The following MYH3 variants were observed in gnomAD, a reference collection of about 807,000 sequenced individuals.
MYH3 encodes myosin heavy chain 3.
A neutral mutation model predicts 238.0 loss-of-function variants in MYH3; 130 were observed. That is an observed-to-expected ratio of 0.55 (90% confidence interval 0.47 to 0.63). The LOEUF is 0.63. MYH3 is among the 30% of genes least tolerant of loss of function. The probability of loss-of-function intolerance (pLI) is 0.00; values close to 1 mark genes in which losing one functional copy is unlikely to be tolerated. For missense variants in MYH3, 1,853 were observed against 2,374.9 expected (o/e 0.78, Z 4.57); for synonymous variants, 880 against 924.1 (o/e 0.95, Z 0.86).
chr17:10,656,601 C>T (rs1597495981), intron 1 of MYH3, among the ~76,000 whole-genome samples: 1 of 128,998 alleles, frequency 7.8e-6, no homozygotes, highest in Admixed American at 8.0e-5. Flanking sequence ...GATGGAAGAG[C>T]AGATGGGACG....
rs2074333013 is a variant in MYH3, at chr17:10,647,518, C to T, written c.736-92G>A. On this transcript the variant is annotated intron_variant, in intron 8 of 40. Coordinates refer to ENST00000583535, the MANE Select transcript of MYH3 (RefSeq NM_002470.4). ...TGGGTAATTTGAGTAGGAGCCTAGT[C>T]CCCCTAAAATTTTTGTTTTGTTTTG... 4.3e-6 allele frequency: 6 copies of T among 1,401,238 alleles called. 1 individual carries two copies. The highest frequency in any genetic ancestry group is 2.4e-5 in the South Asian group (2 of 84,662). The allele number at this position is 1,401,238 out of a possible 1,614,324, so 86.8% of individuals were successfully genotyped here. A position where few individuals can be genotyped will look rare whatever the true frequency, so the allele number is the denominator to read the frequency against.
In MYH3 at chr17:10,630,090, A is replaced by G. The variant is rs751800198; in HGVS notation, c.5562+2T>C. On this transcript the variant is annotated splice_donor_variant, in intron 38 of 40. Transcript: ENST00000583535. LOFTEE classifies it high-confidence loss of function. ...CGATCATGGCGTTTGCGTTCCACTT[A>G]CCTGGTACGTCAGCTCCTTGACCCT... 2 of 1,613,744 alleles carry G rather than the reference A, an allele frequency of 1.2e-6. No homozygotes were observed. Among genetic ancestry groups the G allele is most frequent in the East Asian group, 2.2e-5 (1 of 44,876 alleles).
chr17:10,653,322 A>G (rs2074396796), intron 3 of MYH3, among the ~76,000 whole-genome samples: 1 of 152,106 alleles, frequency 6.6e-6, no homozygotes, highest in East Asian at 1.9e-4. Flanking sequence ...GGGACCGAAG[A>G]GAATGAGGAA....
the MYH3 span, among the ~76,000 whole-genome samples, chr17:10,668,886 TTTCTC>T: frequency 1.3e-5 from 2 of 152,240 alleles, no homozygotes; most frequent in African/African-American, 4.8e-5. Context: ...CTTTGCCCTT[TTTCTC>T]TTAAGATGTT....
chr17:10,678,219 TCAC>T, the MYH3 span: 1 of 152,210 alleles, frequency 6.6e-6, no homozygotes, highest in Non-Finnish European at 1.5e-5. Context: ...TTGGTTGGAT[TCAC>T]ACAGTCACCA....
intron 14 of MYH3, 65 bp from the exon 15 acceptor site, chr17:10,643,061 A>G: frequency 1.2e-6 from 2 of 1,613,264 alleles, no homozygotes; most frequent in Non-Finnish European, 1.7e-6. Flanking sequence ...GACTGTCAAC[A>G]TTCCTCCTCA....
Position 10,647,174 on chromosome 17 carries a change from T to C in MYH3, c.898+8A>G, listed in dbSNP as rs571262650. The C allele has an allele frequency of 8.7e-6, 14 of 1,607,354 alleles. No homozygotes were observed. The South Asian group carries it at 1.5e-4, about 18-fold the overall frequency. ...CTAAAAGACCAGCCCCACTGGTGAC[T>C]TCCTCACCTATGAGCTCAGGCTTCT... On this transcript the variant is annotated splice_region_variant and intron_variant, in intron 10 of 40. Transcript: ENST00000583535.
upstream of MYH3, among the ~76,000 whole-genome samples, chr17:10,658,232 C>T (rs532293292): frequency 5.3e-5 from 8 of 152,302 alleles, no homozygotes; most frequent in East Asian, 3.9e-4. Context: ...GTATGTCGGA[C>T]GCTTTTGCCC....
rs746074716 is a variant in MYH3 at position 10,645,776 on chromosome 17, T to C, written c.1072A>G (p.Met358Val). The C allele has an allele frequency of 2.5e-6, 4 of 1,613,872 alleles. 1 individual carries two copies. Among genetic ancestry groups the C allele is most frequent in the Middle Eastern group, 3.3e-4 (2 of 6,042 alleles). ...SGLYKLTGAV[M>V]HYGNMKFKQK... Reference sequence around the variant, plus strand: ...TTGAACTTCATGTTCCCGTAGTGCATCACGGCTCCCGTCAGCTTGTAGAGC... The same window carrying C: ...TTGAACTTCATGTTCCCGTAGTGCACCACGGCTCCCGTCAGCTTGTAGAGC... The change falls in exon 12 of 41, where the codon ATG (methionine) becomes GTG (valine). Residue 358 changes from methionine to valine, a missense_variant. This residue lies in a region of MYH3 where 678 missense variants were observed against 1,058.9 expected (regional missense o/e 0.64). Transcript: ENST00000583535.
At chr17:10,632,805 T>A in intron 33 of MYH3, 21 bp from the exon 34 acceptor site, 1 of 1,613,508 alleles carries the variant, frequency 6.2e-7, no homozygotes. Context: ...CAAAAGCAAA[T>A]CAAATAGTGT....
chr17:10,630,222 T>C (rs774724545), intron 37 of MYH3, 26 bp from the exon 38 acceptor site: 47 of 1,614,024 alleles, frequency 2.9e-5, no homozygotes, highest in Non-Finnish European at 4.0e-5. Context: ...GGGAAATTAG[T>C]CTGGGGCTGC....
chr17:10,635,891 A>G, intron 28 of MYH3, 38 bp from the exon 29 acceptor site: 1 of 1,528,518 alleles, frequency 6.5e-7, no homozygotes, highest in Non-Finnish European at 9.1e-7. Context: ...TCATTTATTC[A>G]CTCATTCACT....
At chr17:10,647,158 C>T (rs2074329639) in intron 10 of MYH3, 24 bp downstream of exon 10, 1 of 1,576,792 alleles carries the variant, frequency 6.3e-7, no homozygotes, top group Non-Finnish European at 8.7e-7. Context: ...CCTAAAAGAC[C>T]AGCCCCACTG....
chr17:10,647,823 G>T (rs1012149237), intron 8 of MYH3, among the ~76,000 whole-genome samples: 1 of 152,188 alleles, frequency 6.6e-6, no homozygotes, highest in Non-Finnish European at 1.5e-5. Flanking sequence ...GATTACAGGC[G>T]TGAGCCACCG....
At chr17:10,639,838 T>C (rs1425521315) in intron 22 of MYH3, 36 bp from the exon 23 acceptor site, 3 of 1,612,678 alleles carry the variant, frequency 1.9e-6, no homozygotes, top group Non-Finnish European at 2.5e-6. Flanking sequence ...CGTTGAATGA[T>C]ATAAGGTTTG....
rs1226581046 is a variant in MYH3, at chr17:10,638,294, T to C, written c.3478A>G (p.Thr1160Ala). 6.2e-7 allele frequency: 1 copy of C among 1,613,598 alleles called. No homozygotes were observed. Among genetic ancestry groups the C allele is most frequent in the Non-Finnish European group, 8.5e-7 (1 of 1,179,982 alleles). ...RLEEAGGVTS[T>A]QIELNKKREA... ...CGCTTCTTGTTGAGCTCTATCTGCG[T>C]GGAGGTGACGCCTCCCGCCTCCTCC... The change falls in exon 27 of 41, where the codon ACG becomes GCG. Residue 1160 changes from threonine (T) to alanine (A), a missense_variant. Physicochemically the swap from Thr to Ala is moderately conservative, Grantham distance 58. This residue lies in a region of MYH3 where 1,044 missense variants were observed against 1,192.6 expected (regional missense o/e 0.88). Coordinates refer to ENST00000583535, the MANE Select transcript of MYH3 (RefSeq NM_002470.4).
upstream of MYH3, among the ~76,000 whole-genome samples, chr17:10,658,061 T>G (rs1224812824): frequency 6.6e-6 from 1 of 152,122 alleles, no homozygotes; most frequent in Non-Finnish European, 1.5e-5. Context: ...CTGTGGCTAT[T>G]AAGACAGATT....
At position 10,645,671 on chromosome 17, in the gene MYH3, C is replaced by T. The variant is rs771893571; in HGVS notation, c.1141+36G>A. ...TACCAAGTGACCTCAGCAGATCAGC[C>T]ACCCGCTCTGGTTTGCTGTCACACT... is the stretch of plus-strand genomic sequence containing the variant. On this transcript the variant is annotated intron_variant, in intron 12 of 40. Coordinates refer to ENST00000583535, the MANE Select transcript of MYH3 (RefSeq NM_002470.4). The T allele has an allele frequency of 2.5e-6, 4 of 1,611,110 alleles. No individual in the cohort carries two copies. In the Admixed American group the frequency reaches 6.7e-5, roughly 27 times the overall value.
intron 2 of MYH3, among the ~76,000 whole-genome samples, chr17:10,655,609 T>G (rs1407730945): frequency 6.6e-6 from 1 of 152,142 alleles, no homozygotes; most frequent in African/African-American, 2.4e-5. Context: ...CATCAGCATC[T>G]GTTTGACAGT....
Sources: allele counts gnomAD v4.1 joint callset (sites outside exome capture counted in the v4.1 genomes callset), GRCh38; gene constraint gnomAD v4.1.1; regional missense constraint gnomAD v4.1.1; transcripts MANE v1.5; gene names NCBI Gene and HGNC (gene_info 2026-07-23, HGNC 2026-07-21).